PHLDB2: variants seen among roughly 807,000 people sequenced by gnomAD.
The protein encoded by PHLDB2 is pleckstrin homology-like domain family B member 2.
Under a neutral mutation model 123.6 loss-of-function variants are expected in PHLDB2, and 71 were observed. The ratio of observed to expected loss-of-function variants is 0.57; its 90% CI spans 0.47 to 0.70. PHLDB2 has a LOEUF of 0.70. Among genes scored for constraint, PHLDB2 ranks in the 30% least tolerant of loss-of-function variants. The pLI is 0.00. For missense variants in PHLDB2, 1,446 were observed against 1,519.5 expected (o/e 0.95, Z 0.80); for synonymous variants, 547 against 541.6 (o/e 1.01, Z -0.14).
intron 1 of PHLDB2, among the ~76,000 whole-genome samples, chr3:111,822,247 A>C (rs1194071338): frequency 7.1e-6 from 1 of 140,922 alleles, no homozygotes; most frequent in African/African-American, 2.9e-5. Context: ...CATACTTTGC[A>C]TCAGAAAAAA....
At chr3:111,927,364 CAAAT>C (rs925285022) in intron 5 of PHLDB2, among the ~76,000 whole-genome samples, 2 of 151,914 alleles carry the variant, frequency 1.3e-5, no homozygotes, top group Non-Finnish European at 2.9e-5. Context: ...TCATCTCTGT[CAAAT>C]AAATAAATAA....
intron 2 of PHLDB2, among the ~76,000 whole-genome samples, chr3:111,907,547 AGT>A (rs2067620820): frequency 6.6e-6 from 1 of 151,748 alleles, no homozygotes; most frequent in Admixed American, 6.6e-5. Flanking sequence ...CCCAAGTTGG[AGT>A]GTAGTAGCAC....
chr3:111,886,448 C>T (rs1254820699), intron 2 of PHLDB2, among the ~76,000 whole-genome samples: 2 of 146,552 alleles, frequency 1.4e-5, no homozygotes, highest in Non-Finnish European at 3.0e-5. Context: ...TTTTTTTTGC[C>T]TTTTTTTTTT....
At chr3:111,858,189 C>A (rs2108635747), upstream of PHLDB2, among the ~76,000 whole-genome samples, 1 of 152,106 alleles carries the variant, frequency 6.6e-6, no homozygotes, top group Admixed American at 6.5e-5. Flanking sequence ...TCATTCTCAG[C>A]AAACTAACAC....
At chr3:111,939,218 AGT>A (rs36027820) in intron 6 of PHLDB2, among the ~76,000 whole-genome samples, 150,929 of 152,226 alleles carry the variant, frequency 0.99, 74,836 homozygotes, top group Middle Eastern at 1. Context: ...AAAGCCACCC[AGT>A]GTGGGTTTAA....
intron 2 of PHLDB2, among the ~76,000 whole-genome samples, chr3:111,853,063 G>T (rs561177374): frequency 6.6e-5 from 10 of 151,898 alleles, no homozygotes; most frequent in Non-Finnish European, 1.3e-4. Context: ...TAACATTCTG[G>T]TATTAATTTG....
Position 111,842,123 on chromosome 3 carries a change from A to T in PHLDB2, c.-48-3698A>T, listed in dbSNP as rs548340701. Among the ~76,000 whole-genome samples the T allele has an allele frequency of 3.3e-5, 5 of 152,370 alleles. No homozygotes were observed. In the East Asian group the frequency reaches 9.6e-4, roughly 29 times the overall value. On this transcript the variant is annotated intron_variant, in intron 1 of 17. Coordinates refer to the PHLDB2 transcript ENST00000393923. Reference sequence around the variant, plus strand: ...TTATAGTGAAGTTATAAAGGAGATAATGTAGGTAAAACACTTAGCACAGTA... The same window carrying T: ...TTATAGTGAAGTTATAAAGGAGATATTGTAGGTAAAACACTTAGCACAGTA...
chr3:111,945,831 T>G (rs1305451254), intron 9 of PHLDB2, among the ~76,000 whole-genome samples: 3 of 152,032 alleles, frequency 2.0e-5, no homozygotes, highest in Non-Finnish European at 4.4e-5. Flanking sequence ...CCCCCGCAAC[T>G]GTTGTTTCTG....
rs147090279 is a variant in PHLDB2, at chr3:111,815,019, G to A, written c.-48-30802G>A. ...TCTTGTGATAGTGAATGAGTCTCAC[G>A]AGAGCTGGTGGTTTTAAAAATGGGA... is the stretch of plus-strand genomic sequence containing the variant. On this transcript the variant is annotated intron_variant, in intron 1 of 17. Coordinates refer to the PHLDB2 transcript ENST00000393923. Among the ~76,000 whole-genome samples, 1,096 of 152,252 alleles carry A rather than the reference G, an allele frequency of 7.2e-3. 15 individuals are homozygous for A. The highest frequency in any genetic ancestry group is 0.025 in the African/African-American group (1,036 of 41,550).
rs1316016331 is a variant in PHLDB2 at position 111,940,543 on chromosome 3, T to C, written c.2295T>C (p.Ile765=). 1 of 1,596,638 alleles carries C rather than the reference T, an allele frequency of 6.3e-7. No individual in the cohort carries two copies. The highest frequency in any genetic ancestry group is 1.7e-5 in the Admixed American group (1 of 58,088). ...CATCTCTTTTCCTCCAGGAAAAAAT[T>C]TCTGCATTGAAAAAGCAAGCCAATC... ...QRNIVSRKEK[I]SALKKQANHI... is the part of the protein sequence containing the mutation. The change falls in exon 8 of 18, where the codon ATT becomes ATC. Residue 765 remains isoleucine, a synonymous_variant. Transcript: ENST00000431670.
At chr3:111,802,224 G>C (rs1045471003) in intron 1 of PHLDB2, among the ~76,000 whole-genome samples, 3 of 152,184 alleles carry the variant, frequency 2.0e-5, no homozygotes, top group Non-Finnish European at 2.9e-5. Context: ...TGGCTCCATG[G>C]AGCACTGTGC....
intron 3 of PHLDB2, among the ~76,000 whole-genome samples, 166 bp from the exon 4 acceptor site, chr3:111,918,906 G>A (rs2068335397): frequency 6.6e-6 from 1 of 152,156 alleles, no homozygotes; most frequent in Admixed American, 6.5e-5. Flanking sequence ...GGCATCATGT[G>A]GGAAAAACAC....
intron 5 of PHLDB2, 115 bp downstream of exon 5, chr3:111,920,534 G>A: frequency 1.6e-6 from 2 of 1,285,750 alleles, no homozygotes; most frequent in Admixed American, 2.5e-5. Context: ...TCATGTTCCT[G>A]GAGGCAGTGG....
intron 1 of PHLDB2, among the ~76,000 whole-genome samples, chr3:111,735,663 C>G (rs1941664397): frequency 6.6e-6 from 1 of 152,192 alleles, no homozygotes; most frequent in Non-Finnish European, 1.5e-5. Context: ...TACTTACATG[C>G]CATCATTTTC....
intron 1 of PHLDB2, among the ~76,000 whole-genome samples, chr3:111,882,882 A>T (rs1359534822): frequency 1.3e-5 from 2 of 152,240 alleles, no homozygotes; most frequent in African/African-American, 4.8e-5. Flanking sequence ...TAGGACAACA[A>T]GAGCTAGAGG....
At chr3:111,750,896 A>G (rs1042485905) in intron 1 of PHLDB2, among the ~76,000 whole-genome samples, 4 of 151,268 alleles carry the variant, frequency 2.6e-5, no homozygotes, top group African/African-American at 9.7e-5. Flanking sequence ...CAGTGAGCCA[A>G]TATCGCACCA....
chr3:111,926,000 A>G (rs1170781305), intron 5 of PHLDB2, among the ~76,000 whole-genome samples: 2 of 152,270 alleles, frequency 1.3e-5, no homozygotes, highest in Non-Finnish European at 2.9e-5. Context: ...GGGTCTTCCC[A>G]TGACCCAGAT....
chr3:111,949,973 C>T, intron 10 of PHLDB2: 3 of 923,004 alleles, frequency 3.3e-6, no homozygotes, highest in Non-Finnish European at 3.9e-6. Flanking sequence ...TTCTACTTTC[C>T]CAAAGGCATT....
At chr3:111,960,200 A>AT in intron 12 of PHLDB2, 1 of 856,066 alleles carries the variant, frequency 1.2e-6, no homozygotes, top group East Asian at 1.2e-4. Flanking sequence ...TGAGTAATGA[A>AT]TTATTTCGCC....
Sources: gnomAD v4.1 joint callset for allele counts (sites outside exome capture counted in the v4.1 genomes callset) on GRCh38, gnomAD v4.1.1 for gene constraint, MANE v1.5 for transcripts, NCBI Gene and HGNC (gene_info 2026-07-23, HGNC 2026-07-21) for gene names.